GNA12: variants seen among roughly 807,000 people sequenced by gnomAD.
GNA12 encodes the protein guanine nucleotide-binding protein subunit alpha-12.
In GNA12, 9 loss-of-function variants were observed where a neutral mutation model predicts 26.0. That is an observed-to-expected ratio of 0.35 (90% CI 0.21 to 0.60). The LOEUF is 0.60. Ranked by LOEUF, GNA12 falls within the 20% of genes least tolerant of loss-of-function variation. The probability of loss-of-function intolerance (pLI) is 0.78; values close to 1 mark genes in which losing one functional copy is unlikely to be tolerated. For missense variants in GNA12, 405 were observed against 525.8 expected, an observed-to-expected ratio of 0.77 and a Z score of 2.25; for synonymous variants, 264 against 219.6, an observed-to-expected ratio of 1.20 and a Z score of -1.79.
chr7:2,803,726 GC>G (rs1426425384), intron 1 of GNA12, among the ~76,000 whole-genome samples: 1 of 151,980 alleles, frequency 6.6e-6, no homozygotes, highest in African/African-American at 2.4e-5. Flanking sequence ...TTTAGGAATG[GC>G]ATAGGAGAAG....
chr7:2,818,214 G>T (rs1360760721), intron 1 of GNA12, among the ~76,000 whole-genome samples: 2 of 152,126 alleles, frequency 1.3e-5, no homozygotes, highest in African/African-American at 4.8e-5. Context: ...ATCTGACATA[G>T]AACAAAGTTT....
chr7:2,836,268 A>G (rs2114978715), intron 1 of GNA12, among the ~76,000 whole-genome samples: 1 of 152,320 alleles, frequency 6.6e-6, no homozygotes, highest in African/African-American at 2.4e-5. Context: ...CACTGAGTAA[A>G]AAGACCAGGA....
chr7:2,733,095 G>A (rs779055038), intron 3 of GNA12, among the ~76,000 whole-genome samples: 1 of 152,216 alleles, frequency 6.6e-6, no homozygotes, highest in South Asian at 2.1e-4. Flanking sequence ...GGGGAGGGCT[G>A]CTGAAACAAG....
chr7:2,746,883 A>G (rs528376959), intron 2 of GNA12, among the ~76,000 whole-genome samples: 172 of 152,340 alleles, frequency 1.1e-3, no homozygotes, highest in Non-Finnish European at 2.1e-3. Context: ...AGAGAATACT[A>G]TCAACACCTC....
Position 2,805,559 on chromosome 7 carries a change from G to A in GNA12, c.310-10416C>T, listed in dbSNP as rs368400485. ...TGCTGTGAGTATCTGGAGAGATAAGGGAGCAGAGGAACAGGCAGGAGGCAG... is the reference window on the plus strand; with the variant it reads ...TGCTGTGAGTATCTGGAGAGATAAGAGAGCAGAGGAACAGGCAGGAGGCAG... On this transcript the variant is annotated intron_variant, in intron 1 of 3. Transcript: ENST00000275364. Among the ~76,000 whole-genome samples the A allele has an allele frequency of 3.3e-5, 5 of 152,160 alleles. No homozygotes were observed. The East Asian group carries it at 5.8e-4, about 18-fold the overall frequency.
chr7:2,753,361 G>T (rs1036104263), intron 2 of GNA12, among the ~76,000 whole-genome samples: 32 of 152,034 alleles, frequency 2.1e-4, no homozygotes, highest in African/African-American at 6.8e-4. Flanking sequence ...ATGTTGTCCA[G>T]GCTGGTCTTA....
At chr7:2,809,785 T>G (rs758692929) in intron 1 of GNA12, among the ~76,000 whole-genome samples, 13 of 152,236 alleles carry the variant, frequency 8.5e-5, no homozygotes, top group Non-Finnish European at 1.6e-4. Flanking sequence ...TTCACACATC[T>G]GTAAATATGT....
At chr7:2,831,481 G>A (rs1778654433) in intron 1 of GNA12, among the ~76,000 whole-genome samples, 1 of 144,340 alleles carries the variant, frequency 6.9e-6, no homozygotes, top group African/African-American at 2.5e-5. Context: ...TCTGCTCACT[G>A]CAAACTACAC....
chr7:2,814,656 G>C (rs1487428979), intron 1 of GNA12, among the ~76,000 whole-genome samples: 1 of 144,480 alleles, frequency 6.9e-6, no homozygotes, highest in East Asian at 2.0e-4. Flanking sequence ...TTTTTTCGTG[G>C]CATAGAATCT....
intron 1 of GNA12, among the ~76,000 whole-genome samples, chr7:2,809,295 C>T (rs927814300): frequency 6.6e-6 from 1 of 152,136 alleles, no homozygotes; most frequent in Admixed American, 6.5e-5. Flanking sequence ...TCCTCATCCG[C>T]AAAGTAAGGG....
chr7:2,795,961 CA>C (rs1792659550), intron 1 of GNA12, among the ~76,000 whole-genome samples: 1 of 151,984 alleles, frequency 6.6e-6, no homozygotes, highest in Non-Finnish European at 1.5e-5. Context: ...GCTAGGATTA[CA>C]GGTACCTGCC....
At chr7:2,734,240 G>T (rs1425420758) in intron 2 of GNA12, among the ~76,000 whole-genome samples, 1 of 152,144 alleles carries the variant, frequency 6.6e-6, no homozygotes, top group African/African-American at 2.4e-5. Context: ...GGAGCCGGGA[G>T]AGCGCAACCA....
At chr7:2,793,896 A>AAAG (rs1554260954) in intron 2 of GNA12, among the ~76,000 whole-genome samples, 2 of 146,642 alleles carry the variant, frequency 1.4e-5, no homozygotes, top group African/African-American at 5.3e-5. Flanking sequence ...AAAAAAAAAA[A>AAAG]AAGGAAAAAA....
intron 2 of GNA12, among the ~76,000 whole-genome samples, chr7:2,737,289 G>GTTTTTTTTTTTTTTTTTTTTTTT (rs11389467): frequency 3.2e-5 from 2 of 62,276 alleles, no homozygotes; most frequent in African/African-American, 5.5e-5. Flanking sequence ...TTTTTTTTTT[G>GTTTTTTTTTTTTTTTTTTTTTTT]TTTTTTTTTT....
chr7:2,810,388 C>A (rs553095557), intron 1 of GNA12, among the ~76,000 whole-genome samples: 1 of 152,278 alleles, frequency 6.6e-6, no homozygotes, highest in South Asian at 2.1e-4. Context: ...CCCCCTAACA[C>A]CAGCACCTTA....
chr7:2,843,505 G>A (rs1472341141), intron 1 of GNA12, among the ~76,000 whole-genome samples: 1 of 152,068 alleles, frequency 6.6e-6, no homozygotes, highest in African/African-American at 2.4e-5. Flanking sequence ...AAAATTAGCT[G>A]GGCTGGTGGT....
chr7:2,747,322 A>T (rs562807570), intron 2 of GNA12, among the ~76,000 whole-genome samples: 16 of 152,352 alleles, frequency 1.1e-4, no homozygotes, highest in African/African-American at 3.8e-4. Flanking sequence ...CTTATCCACC[A>T]TGATCAAGTT....
chr7:2,816,919 G>T lies in GNA12; in HGVS notation c.310-21776C>A, dbSNP rs141870856. ...TTACCGCCTCCTCTGCTCCCATCAA[G>T]TCAGTCTGGGTCTCTGCTGCTCTTC... On this transcript the variant is annotated intron_variant, in intron 1 of 3. Coordinates refer to ENST00000275364, the MANE Select transcript of GNA12 (RefSeq NM_007353.3). 4.4e-3 allele frequency among the ~76,000 whole-genome samples: 663 copies of T among 152,304 alleles called. 3 individuals are homozygous for T. Among genetic ancestry groups the T allele is most frequent in the Non-Finnish European group, 6.2e-3 (421 of 68,028 alleles).
At chr7:2,781,412 CTGTGTGTGTGTGTGTG>C (rs58348546) in intron 2 of GNA12, among the ~76,000 whole-genome samples, 1 of 143,616 alleles carries the variant, frequency 7.0e-6, no homozygotes, top group Admixed American at 6.9e-5. Flanking sequence ...AAGTAAGTGT[CTGTGTGTGTGTGTGTG>C]TGTGTGTGTG....
Sources: allele counts gnomAD v4.1 joint callset (sites outside exome capture counted in the v4.1 genomes callset), GRCh38; gene constraint gnomAD v4.1.1; transcripts MANE v1.5; gene names NCBI Gene and HGNC (gene_info 2026-07-23, HGNC 2026-07-21).